CHCHD6: variants seen among roughly 807,000 people sequenced by gnomAD.
CHCHD6 encodes the protein MICOS complex subunit MIC25.
CHCHD6 carries 28 observed loss-of-function variants against 32.3 expected under a neutral mutation model. The ratio of observed to expected loss-of-function variants is 0.87; its 90% CI spans 0.64 to 1.19. The LOEUF is 1.19. CHCHD6 is among the 50% of genes most tolerant of loss of function. The probability of loss-of-function intolerance (pLI) is 0.00; values close to 1 mark genes in which losing one functional copy is unlikely to be tolerated. For missense variants in CHCHD6, 333 were observed against 307.0 expected (o/e 1.08, Z -0.63); for synonymous variants, 122 against 117.5 (o/e 1.04, Z -0.25).
At chr3:126,949,105 C>T (rs2078678942) in intron 6 of CHCHD6, among the ~76,000 whole-genome samples, 1 of 152,346 alleles carries the variant, frequency 6.6e-6, no homozygotes, top group East Asian at 1.9e-4. Context: ...CTGCCAGGTC[C>T]AGTGTTTCCT....
intron 1 of CHCHD6, among the ~76,000 whole-genome samples, chr3:126,719,196 C>T (rs1452314275): frequency 6.6e-6 from 1 of 152,246 alleles, no homozygotes; most frequent in East Asian, 1.9e-4. Context: ...ATTCACTGTC[C>T]TCTGGCCTGC....
intron 5 of CHCHD6, among the ~76,000 whole-genome samples, chr3:126,876,477 C>G (rs1264400515): frequency 1.3e-5 from 2 of 152,160 alleles, no homozygotes; most frequent in East Asian, 3.8e-4. Flanking sequence ...TACTCTCATT[C>G]TTGGTATTTG....
At chr3:126,771,949 G>A (rs1215636099) in intron 4 of CHCHD6, among the ~76,000 whole-genome samples, 1 of 152,200 alleles carries the variant, frequency 6.6e-6, no homozygotes, top group African/African-American at 2.4e-5. Flanking sequence ...TTTGGGTGGA[G>A]AGTTCTGTAG....
At chr3:126,850,774 G>A (rs891070749) in intron 4 of CHCHD6, among the ~76,000 whole-genome samples, 1 of 152,120 alleles carries the variant, frequency 6.6e-6, no homozygotes, top group African/African-American at 2.4e-5. Context: ...TCCTCTCACT[G>A]CACCAGGGAT....
chr3:126,958,162 C>G (rs532917286), intron 7 of CHCHD6, among the ~76,000 whole-genome samples: 9 of 151,856 alleles, frequency 5.9e-5, no homozygotes, highest in Middle Eastern at 3.4e-3. Context: ...CTTCCTCCCC[C>G]ACCCCCAACT....
rs1318302347 is a variant in CHCHD6 at position 126,914,755 on chromosome 3, G to T, written c.566+5G>T. 1 of 1,530,426 alleles carries T rather than the reference G, an allele frequency of 6.5e-7. No homozygotes were observed. The highest frequency in any genetic ancestry group is 1.7e-5 in the Admixed American group (1 of 59,900). The allele number at this position is 1,530,426 out of a possible 1,614,324, so 94.8% of individuals were successfully genotyped here. On this transcript the variant is annotated splice_donor_5th_base_variant and intron_variant, in intron 6 of 7. Transcript: ENST00000290913. ...AAAGATGGAGAGCACAATAAAGTAAGAATTTGTTTATTATTCTTTGTAAAC... is the reference window on the plus strand; with the variant it reads ...AAAGATGGAGAGCACAATAAAGTAATAATTTGTTTATTATTCTTTGTAAAC...
intron 5 of CHCHD6, among the ~76,000 whole-genome samples, chr3:126,912,641 A>G (rs2078107787): frequency 6.6e-6 from 1 of 152,178 alleles, no homozygotes; most frequent in Admixed American, 6.5e-5. Context: ...AAAGGCCCAG[A>G]GGTGGCCCCC....
intron 4 of CHCHD6, among the ~76,000 whole-genome samples, chr3:126,782,986 T>C (rs1462045324): frequency 6.6e-6 from 1 of 152,176 alleles, no homozygotes; most frequent in Non-Finnish European, 1.5e-5. Context: ...ATTTATTGAA[T>C]AGGGAGTCAT....
At chr3:126,732,304 G>A (rs557710407) in intron 3 of CHCHD6, among the ~76,000 whole-genome samples, 23 of 152,094 alleles carry the variant, frequency 1.5e-4, no homozygotes, top group East Asian at 1.9e-4. Context: ...CTCACCCCCC[G>A]TTTAGGGTTA....
At chr3:126,856,831 A>C (rs1021952851) in intron 5 of CHCHD6, among the ~76,000 whole-genome samples, 1 of 152,212 alleles carries the variant, frequency 6.6e-6, no homozygotes, top group African/African-American at 2.4e-5. Context: ...TTTGGGGTCC[A>C]GCAGACCTCA....
intron 6 of CHCHD6, among the ~76,000 whole-genome samples, chr3:126,933,256 G>GT (rs890090925): frequency 6.6e-6 from 1 of 152,122 alleles, no homozygotes; most frequent in Admixed American, 6.5e-5. Flanking sequence ...GGGGTCGTTT[G>GT]TTCCCCAAGG....
At chr3:126,759,013 C>G (rs2107671439) in intron 4 of CHCHD6, among the ~76,000 whole-genome samples, 1 of 152,320 alleles carries the variant, frequency 6.6e-6, no homozygotes. Context: ...TCTCTGCTAC[C>G]TCTTGCTGTC....
chr3:126,844,189 CTGT>C (rs1559876595), intron 4 of CHCHD6, among the ~76,000 whole-genome samples: 1 of 152,148 alleles, frequency 6.6e-6, no homozygotes, highest in African/African-American at 2.4e-5. Flanking sequence ...GTGTTTCCTG[CTGT>C]TGTTAGATGT....
intron 5 of CHCHD6, among the ~76,000 whole-genome samples, chr3:126,878,875 G>T (rs1215355626): frequency 6.6e-5 from 10 of 152,200 alleles, no homozygotes; most frequent in African/African-American, 2.4e-4. Flanking sequence ...AGTGGTGGAG[G>T]CTGTGAGTCA....
intron 5 of CHCHD6, among the ~76,000 whole-genome samples, chr3:126,864,905 C>T (rs1328369137): frequency 1.4e-5 from 2 of 146,536 alleles, no homozygotes; most frequent in African/African-American, 5.0e-5. Flanking sequence ...ACCTCCTCCT[C>T]CACCATCACC....
intron 5 of CHCHD6, among the ~76,000 whole-genome samples, chr3:126,886,911 C>T (rs951457779): frequency 6.6e-6 from 1 of 152,226 alleles, no homozygotes; most frequent in Admixed American, 6.5e-5. Context: ...CCCAGCTTCC[C>T]TTCCACCCTC....
At chr3:126,806,882 G>A (rs1939410114) in intron 4 of CHCHD6, among the ~76,000 whole-genome samples, 1 of 151,896 alleles carries the variant, frequency 6.6e-6, no homozygotes, top group Non-Finnish European at 1.5e-5. Context: ...AAAATGATGA[G>A]TTCATGTCCT....
At chr3:126,814,673 C>G (rs115383419) in intron 4 of CHCHD6, among the ~76,000 whole-genome samples, 3,403 of 152,310 alleles carry the variant, frequency 0.022, 135 homozygotes, top group African/African-American at 0.077. Flanking sequence ...CTCGGCACCC[C>G]CTCCCACATG....
At chr3:126,854,789 G>A (rs910429899) in intron 5 of CHCHD6, 1 of 152,462 alleles carries the variant, frequency 6.6e-6, no homozygotes, top group Non-Finnish European at 1.5e-5. Context: ...ACCCAAAATA[G>A]CTCAGAGTAC....
Sources: gnomAD v4.1 joint callset for allele counts (sites outside exome capture counted in the v4.1 genomes callset) on GRCh38, gnomAD v4.1.1 for gene constraint, MANE v1.5 for transcripts, NCBI Gene and HGNC (gene_info 2026-07-23, HGNC 2026-07-21) for gene names.